Variants in C12orf42 observed in about 807,000 individuals in gnomAD.
C12orf42 encodes the protein uncharacterized protein C12orf42.
Under a neutral mutation model 21.6 loss-of-function variants are expected in C12orf42, and 25 were observed. The ratio of observed to expected loss-of-function variants is 1.16; its 90% CI spans 0.84 to 1.62. C12orf42 has a LOEUF of 1.62. C12orf42 is among the 40% of genes most tolerant of loss of function. C12orf42 has a pLI of 0.00. For missense variants in C12orf42, 483 were observed against 459.3 expected (o/e 1.05, Z -0.47); for synonymous variants, 174 against 175.0 (o/e 0.99, Z 0.05).
chr12:103,221,600 A>G, the C12orf42 span, among the ~76,000 whole-genome samples: 35 of 152,232 alleles, frequency 2.3e-4, no homozygotes, highest in Middle Eastern at 3.4e-3. Context: ...TTTCTTATTA[A>G]TCTTCTAAAT....
chr12:103,124,544 C>T, the C12orf42 span, among the ~76,000 whole-genome samples: 8 of 152,034 alleles, frequency 5.3e-5, no homozygotes, highest in East Asian at 1.9e-4. Flanking sequence ...AGAGTGGGAA[C>T]GAAGAAACTA....
intron 10 of C12orf42, among the ~76,000 whole-genome samples, chr12:103,246,428 G>A (rs17033618): frequency 0.022 from 3,314 of 152,112 alleles, 118 homozygotes; most frequent in African/African-American, 0.073. Flanking sequence ...TATATTTTAA[G>A]AGGGCTGGAT....
chr12:103,233,312 T>C (rs929143668), downstream of C12orf42, among the ~76,000 whole-genome samples: 2 of 152,182 alleles, frequency 1.3e-5, no homozygotes, highest in Non-Finnish European at 2.9e-5. Flanking sequence ...TTTGCGTTTT[T>C]TGCCTCTCCA....
At chr12:103,519,443 TG>T in the C12orf42 span, among the ~76,000 whole-genome samples, 3 of 152,310 alleles carry the variant, frequency 2.0e-5, no homozygotes, top group South Asian at 6.2e-4. Context: ...ATGTTTTTAC[TG>T]CCTGGAATGG....
chr12:103,233,927 A>T (rs1398630568), downstream of C12orf42, among the ~76,000 whole-genome samples: 2 of 152,204 alleles, frequency 1.3e-5, no homozygotes, highest in Non-Finnish European at 2.9e-5. Context: ...TATTAGCTAT[A>T]GGTTAAATTG....
At chr12:103,527,344 T>A in the C12orf42 span, among the ~76,000 whole-genome samples, 102 of 152,120 alleles carry the variant, frequency 6.7e-4, no homozygotes, top group African/African-American at 2.4e-3. Context: ...TTGTCATTTG[T>A]CCCCTCCAAA....
At chr12:103,562,094 C>G in the C12orf42 span, among the ~76,000 whole-genome samples, 61 of 152,264 alleles carry the variant, frequency 4.0e-4, no homozygotes, top group African/African-American at 1.5e-3. Flanking sequence ...CTGGCAAAAT[C>G]AATTTATTAT....
chr12:103,495,608 G>A (rs1172386739), intron 1 of C12orf42, among the ~76,000 whole-genome samples: 1 of 151,978 alleles, frequency 6.6e-6, no homozygotes, highest in African/African-American at 2.4e-5. Context: ...GCAACGGGGG[G>A]CGGGGGATTA....
chr12:103,555,829 G>A, the C12orf42 span, among the ~76,000 whole-genome samples: 1 of 151,972 alleles, frequency 6.6e-6, no homozygotes, highest in Admixed American at 6.6e-5. Flanking sequence ...CTACTAGGAG[G>A]GTGTGGTTAA....
chr12:103,103,819 TC>T, the C12orf42 span, among the ~76,000 whole-genome samples: 1 of 151,766 alleles, frequency 6.6e-6, no homozygotes, highest in Non-Finnish European at 1.5e-5. Flanking sequence ...TTTTTTTTTT[TC>T]AGACGGAGTC....
At chr12:103,235,045 T>A (rs1296569125), downstream of C12orf42, among the ~76,000 whole-genome samples, 1 of 152,158 alleles carries the variant, frequency 6.6e-6, no homozygotes. Context: ...TATTTAAAAA[T>A]TATTTTGAAA....
the C12orf42 span, among the ~76,000 whole-genome samples, chr12:103,170,884 T>A: frequency 9.2e-5 from 14 of 152,288 alleles, no homozygotes; most frequent in East Asian, 1.2e-3. Flanking sequence ...ATCTTAAAGA[T>A]CATCTAGTGC....
At chr12:103,229,359 C>T in the C12orf42 span, among the ~76,000 whole-genome samples, 2 of 152,170 alleles carry the variant, frequency 1.3e-5, no homozygotes, top group South Asian at 4.1e-4. Context: ...ATGACCAATG[C>T]TCTGGTTGCT....
At chr12:103,517,609 A>G in the C12orf42 span, among the ~76,000 whole-genome samples, 1 of 152,004 alleles carries the variant, frequency 6.6e-6, no homozygotes, top group African/African-American at 2.4e-5. Context: ...ATTTTTTTTT[A>G]TTAAAAGACA....
chr12:103,531,193 TC>T, the C12orf42 span, among the ~76,000 whole-genome samples: 1 of 152,220 alleles, frequency 6.6e-6, no homozygotes, highest in Non-Finnish European at 1.5e-5. Flanking sequence ...ATATATGTAT[TC>T]CCCACAAGAG....
At chr12:103,366,937 A>T (rs563974816) in intron 4 of C12orf42, among the ~76,000 whole-genome samples, 1 of 152,214 alleles carries the variant, frequency 6.6e-6, no homozygotes, top group South Asian at 2.1e-4. Context: ...TGATTCAGCA[A>T]TCTCACTACT....
At chr12:103,094,125 C>G in the C12orf42 span, among the ~76,000 whole-genome samples, 2 of 152,158 alleles carry the variant, frequency 1.3e-5, no homozygotes, top group Non-Finnish European at 2.9e-5. Flanking sequence ...TTTCTACTTT[C>G]CCTGCCACTA....
At chr12:103,562,140 CATT>C in the C12orf42 span, among the ~76,000 whole-genome samples, 1 of 152,296 alleles carries the variant, frequency 6.6e-6, no homozygotes, top group South Asian at 2.1e-4. Flanking sequence ...ATAAATGCAT[CATT>C]ATAATTTCCA....
the C12orf42 span, among the ~76,000 whole-genome samples, chr12:103,080,328 GT>G: frequency 6.6e-6 from 1 of 152,162 alleles, no homozygotes; most frequent in South Asian, 2.1e-4. Flanking sequence ...ATGCTTGTAT[GT>G]TTTCATAACT....
Sources: gnomAD v4.1 joint callset for allele counts (sites outside exome capture counted in the v4.1 genomes callset) on GRCh38, gnomAD v4.1.1 for gene constraint, MANE v1.5 for transcripts, NCBI Gene and HGNC (gene_info 2026-07-23, HGNC 2026-07-21) for gene names.